Variants in UBTD2 observed in about 807,000 individuals in gnomAD.
The protein encoded by UBTD2 is ubiquitin domain containing 2.
In UBTD2, 9 loss-of-function variants were observed where a neutral mutation model predicts 19.8. The observed-to-expected ratio is 0.46, with a 90% CI of 0.27 to 0.79. The LOEUF (loss-of-function observed/expected upper bound fraction) is 0.79, where lower values mean the gene tolerates loss of function less well. Among genes scored for constraint, UBTD2 ranks in the 30% least tolerant of loss-of-function variants. UBTD2 has a pLI of 0.14. For missense variants in UBTD2, 250 were observed against 300.4 expected, an observed-to-expected ratio of 0.83 and a Z score of 1.24; for synonymous variants, 98 against 103.9, an observed-to-expected ratio of 0.94 and a Z score of 0.35.
intron 1 of UBTD2, among the ~76,000 whole-genome samples, chr5:172,244,295 G>GTTTGTTTTTTTTT (rs1214308760): frequency 2.1e-4 from 27 of 126,058 alleles, no homozygotes; most frequent in Admixed American, 3.4e-4. Context: ...TTTCCTCCCA[G>GTTTGTTTTTTTTT]TTTTTTTTTT....
Position 172,246,875 on chromosome 5 carries a change from C to T in UBTD2, c.71-12517G>A, listed in dbSNP as rs980035631. 4.7e-5 allele frequency among the ~76,000 whole-genome samples: 7 copies of T among 149,368 alleles called. No individual in the cohort carries two copies. The East Asian group carries it at 9.9e-4, about 21-fold the overall frequency. On this transcript the variant is annotated intron_variant, in intron 1 of 2. Transcript: ENST00000393792. ...GCCTTCCAGATTCAAGCCATTCTCCCGTCTCAGCCTCCCAAGTAGCTGGGA... is the reference window on the plus strand; with the variant it reads ...GCCTTCCAGATTCAAGCCATTCTCCTGTCTCAGCCTCCCAAGTAGCTGGGA...
intron 2 of UBTD2, among the ~76,000 whole-genome samples, chr5:172,214,203 G>A (rs1388959705): frequency 6.6e-6 from 1 of 152,202 alleles, no homozygotes; most frequent in Non-Finnish European, 1.5e-5. Flanking sequence ...ACCAAATCCA[G>A]AGCACTGAAA....
At chr5:172,270,772 T>C (rs1755474224) in intron 1 of UBTD2, among the ~76,000 whole-genome samples, 1 of 152,164 alleles carries the variant, frequency 6.6e-6, no homozygotes, top group Admixed American at 6.5e-5. Context: ...AGCATTAAAA[T>C]TGTAACAGAA....
At chr5:172,277,430 T>A (rs1035672857) in intron 1 of UBTD2, among the ~76,000 whole-genome samples, 5 of 152,084 alleles carry the variant, frequency 3.3e-5, no homozygotes, top group African/African-American at 1.2e-4. Context: ...CTTTAGGTGA[T>A]GCACGGTGGC....
chr5:172,260,735 A>G (rs1440808894), intron 1 of UBTD2, among the ~76,000 whole-genome samples: 1 of 152,206 alleles, frequency 6.6e-6, no homozygotes, highest in East Asian at 1.9e-4. Flanking sequence ...TGTCCATTCC[A>G]GAAGTACTGG....
intron 1 of UBTD2, among the ~76,000 whole-genome samples, chr5:172,257,178 T>C (rs557821539): frequency 3.3e-5 from 5 of 152,214 alleles, no homozygotes; most frequent in Non-Finnish European, 7.3e-5. Context: ...GACTACTGTT[T>C]CCTTGCGTTT....
intron 1 of UBTD2, among the ~76,000 whole-genome samples, chr5:172,236,870 G>A (rs1438910464): frequency 1.3e-5 from 2 of 152,068 alleles, no homozygotes; most frequent in Non-Finnish European, 2.9e-5. Flanking sequence ...CAAATGAAAG[G>A]AAGAGGACTT....
At chr5:172,221,416 T>C (rs1771648438) in intron 2 of UBTD2, among the ~76,000 whole-genome samples, 2 of 152,138 alleles carry the variant, frequency 1.3e-5, no homozygotes, top group Admixed American at 1.3e-4. Context: ...GAGGAAGGAC[T>C]GCTTGAGCCC....
chr5:172,258,935 A>C (rs139901671), intron 1 of UBTD2, among the ~76,000 whole-genome samples: 36 of 152,112 alleles, frequency 2.4e-4, no homozygotes, highest in Non-Finnish European at 1.8e-4. Flanking sequence ...GATACCTTTT[A>C]TTTCTTTCTC....
chr5:172,216,744 T>C (rs1168086571), intron 2 of UBTD2, among the ~76,000 whole-genome samples: 3 of 151,750 alleles, frequency 2.0e-5, no homozygotes, highest in Admixed American at 6.6e-5. Flanking sequence ...TAGCTTGAGA[T>C]AGCCTGAGCT....
intron 1 of UBTD2, among the ~76,000 whole-genome samples, chr5:172,276,052 G>A (rs1755598248): frequency 6.6e-6 from 1 of 152,090 alleles, no homozygotes. Flanking sequence ...AATGTACATA[G>A]GAAATCACTT....
chr5:172,244,093 C>T (rs945691963), intron 1 of UBTD2, among the ~76,000 whole-genome samples: 16 of 151,964 alleles, frequency 1.1e-4, no homozygotes, highest in African/African-American at 3.9e-4. Context: ...TATTCTGGTG[C>T]TCCTTGAACA....
At position 172,276,899 on chromosome 5, in the gene UBTD2, G is replaced by A. The variant is rs150191847; in HGVS notation, c.70+6697C>T. Among the ~76,000 whole-genome samples the A allele has an allele frequency of 9.5e-3, 1,445 of 151,720 alleles. 32 individuals are homozygous for A. Among genetic ancestry groups the A allele is most frequent in the African/African-American group, 0.033 (1,352 of 41,358 alleles). On this transcript the variant is annotated intron_variant, in intron 1 of 2. Coordinates refer to ENST00000393792, the MANE Select transcript of UBTD2 (RefSeq NM_152277.3). ...AGTCTGGCCAACACAGTGAAACCCCGTCTCTACTAAACATACAAAAATTAG... is the reference window on the plus strand; with the variant it reads ...AGTCTGGCCAACACAGTGAAACCCCATCTCTACTAAACATACAAAAATTAG...
At chr5:172,254,458 A>G (rs534248516) in intron 1 of UBTD2, 21 of 493,616 alleles carry the variant, frequency 4.3e-5, no homozygotes, top group Middle Eastern at 3.7e-4. Flanking sequence ...GGACACTGTA[A>G]AGGTTTGATT....
chr5:172,246,500 A>G (rs956306404), intron 1 of UBTD2, among the ~76,000 whole-genome samples: 6 of 132,074 alleles, frequency 4.5e-5, no homozygotes, highest in Non-Finnish European at 7.6e-5. Flanking sequence ...GCTGCAATGC[A>G]GTGGTGCGAT....
chr5:172,263,892 G>A (rs1032953799), intron 1 of UBTD2, among the ~76,000 whole-genome samples: 6 of 76,128 alleles, frequency 7.9e-5, no homozygotes, highest in Non-Finnish European at 2.6e-5. Flanking sequence ...TTCTGAGATG[G>A]AATCTTGCTA....
intron 1 of UBTD2, among the ~76,000 whole-genome samples, chr5:172,278,206 G>C (rs1755644968): frequency 6.6e-6 from 1 of 152,042 alleles, no homozygotes; most frequent in African/African-American, 2.4e-5. Context: ...ACAGACACTT[G>C]TACACCAAAG....
Position 172,211,801 on chromosome 5 carries a change from G to C in UBTD2, c.*29C>G, listed in dbSNP as rs1378558397. On this transcript the variant is annotated 3_prime_UTR_variant, in exon 3 of 3. Transcript: ENST00000393792. ...CAAGAACCATAAAAAGGAGCAGAGG[G>C]ATGTGGGAGCTGGCCAACAGGGCTC... The C allele has an allele frequency of 3.2e-6, 5 of 1,560,508 alleles. No homozygotes were observed. Among genetic ancestry groups the C allele is most frequent in the Non-Finnish European group, 3.5e-6 (4 of 1,152,372 alleles).
chr5:172,274,135 CTTTTTTTT>C (rs555392614), intron 1 of UBTD2, among the ~76,000 whole-genome samples: 40,916 of 109,684 alleles, frequency 0.37, 6,289 homozygotes, highest in South Asian at 0.51. Context: ...TTTTGCTTTA[CTTTTTTTT>C]TTTTTTTTTT....
Sources: allele counts gnomAD v4.1 joint callset (sites outside exome capture counted in the v4.1 genomes callset), GRCh38; gene constraint gnomAD v4.1.1; transcripts MANE v1.5; gene names NCBI Gene and HGNC (gene_info 2026-07-23, HGNC 2026-07-21).